NBAS: variants seen among roughly 807,000 people sequenced by gnomAD.
NBAS encodes NBAS subunit of NRZ tethering complex.
In NBAS, 219 loss-of-function variants were observed where a neutral mutation model predicts 302.5. That is an observed-to-expected ratio of 0.72 (90% CI 0.65 to 0.81). NBAS has a LOEUF of 0.81. NBAS is among the 30% of genes least tolerant of loss of function. The probability of loss-of-function intolerance (pLI) is 0.00; values close to 1 mark genes in which losing one functional copy is unlikely to be tolerated. For missense variants in NBAS, 2,932 were observed against 2,841.6 expected (o/e 1.03, Z -0.72); for synonymous variants, 1,118 against 1,021.6 (o/e 1.09, Z -1.80).
At chr2:15,022,032 T>C in the NBAS span, among the ~76,000 whole-genome samples, 1 of 152,082 alleles carries the variant, frequency 6.6e-6, no homozygotes, top group Non-Finnish European at 1.5e-5. Context: ...CGTCACTTGA[T>C]GGAGTGAGAG....
Position 15,463,788 on chromosome 2 carries a change from C to CAAAAAAAAAAAAAAAAAAAA in NBAS, c.2098-1998_2098-1997insTTTTTTTTTTTTTTTTTTTT, listed in dbSNP as rs55808465. On this transcript the variant is annotated intron_variant, in intron 19 of 51. Coordinates refer to ENST00000281513, the MANE Select transcript of NBAS (RefSeq NM_015909.4). ...AATCCTCATTCAAATGAACCAAATG[C>CAAAAAAAAAAAAAAAAAAAA]AAAAAAAAAAAAAAAAAGCACCAGG... 6.5e-5 allele frequency among the ~76,000 whole-genome samples: 6 copies of CAAAAAAAAAAAAAAAAAAAA among 91,638 alleles called. 2 individuals are homozygous for CAAAAAAAAAAAAAAAAAAAA. The highest frequency in any genetic ancestry group is 8.1e-5 in the Non-Finnish European group (4 of 49,610). The allele number at this position is 91,638 out of a possible 152,430, so 60.1% of individuals were successfully genotyped here.
chr2:15,116,427 G>C, the NBAS span, among the ~76,000 whole-genome samples: 1 of 152,110 alleles, frequency 6.6e-6, no homozygotes, highest in Admixed American at 6.5e-5. Flanking sequence ...GAGAGAGAGA[G>C]AGAGAGTAAT....
the NBAS span, among the ~76,000 whole-genome samples, chr2:14,910,670 C>T: frequency 1.1e-3 from 172 of 152,278 alleles, no homozygotes; most frequent in African/African-American, 3.7e-3. Context: ...ACATTTGGAA[C>T]GCATGATTTG....
chr2:15,115,857 A>C, the NBAS span, among the ~76,000 whole-genome samples: 2 of 152,138 alleles, frequency 1.3e-5, no homozygotes, highest in Non-Finnish European at 2.9e-5. Context: ...TCAGCAGATG[A>C]CCTTAACAAT....
chr2:14,984,323 A>C, the NBAS span, among the ~76,000 whole-genome samples: 1 of 152,068 alleles, frequency 6.6e-6, no homozygotes, highest in African/African-American at 2.4e-5. Flanking sequence ...GCAATTCTCT[A>C]TGACTCCCAT....
In NBAS at chr2:15,178,958, A is replaced by G. The variant is rs78090723; in HGVS notation, c.6840+30T>C. 1.2e-5 allele frequency: 20 copies of G among 1,612,138 alleles called. No homozygotes were observed. In the Admixed American group the frequency reaches 3.3e-4, roughly 27 times the overall value. On this transcript the variant is annotated intron_variant, in intron 51 of 51. Coordinates refer to ENST00000281513, the MANE Select transcript of NBAS (RefSeq NM_015909.4). ...TCCTTTGAAACATTAAAAAAAAAAA[A>G]AGAAAGAAAGTAAATTCAACTGGGC...
At chr2:15,431,863 A>G (rs939250335) in intron 21 of NBAS, among the ~76,000 whole-genome samples, 3 of 152,144 alleles carry the variant, frequency 2.0e-5, no homozygotes, top group Non-Finnish European at 4.4e-5. Context: ...ACAAGAATAC[A>G]TGTTACCCTA....
chr2:15,522,754 A>G (rs574685257), intron 9 of NBAS, among the ~76,000 whole-genome samples: 2 of 152,354 alleles, frequency 1.3e-5, no homozygotes, highest in South Asian at 4.1e-4. Context: ...CCAGCCCCCA[A>G]GCAGGCTAAA....
chr2:15,112,244 GAA>G, the NBAS span, among the ~76,000 whole-genome samples: 1 of 149,280 alleles, frequency 6.7e-6, no homozygotes, highest in African/African-American at 2.4e-5. Flanking sequence ...ATAGAACTCA[GAA>G]AAAAGAGACA....
chr2:14,785,221 T>C, the NBAS span, among the ~76,000 whole-genome samples: 1 of 152,204 alleles, frequency 6.6e-6, no homozygotes, highest in Admixed American at 6.5e-5. Flanking sequence ...GATTTTGGGC[T>C]GAGACGATGG....
chr2:15,220,072 G>GC (rs1666871979), intron 47 of NBAS, among the ~76,000 whole-genome samples: 1 of 145,388 alleles, frequency 6.9e-6, no homozygotes, highest in African/African-American at 2.6e-5. Context: ...GGCTGGCCGG[G>GC]CGGGGGGCTG....
At chr2:15,536,681 C>A in intron 7 of NBAS, 130 bp from the exon 8 acceptor site, 1 of 869,348 alleles carries the variant, frequency 1.2e-6, no homozygotes, top group Non-Finnish European at 1.8e-6. Flanking sequence ...CAGAATTGCT[C>A]TGTATACTCA....
the NBAS span, among the ~76,000 whole-genome samples, chr2:14,899,549 T>C: frequency 1.3e-5 from 2 of 152,220 alleles, no homozygotes; most frequent in Admixed American, 1.3e-4. Context: ...CCCATTTAAC[T>C]AGCAACTGTG....
intron 47 of NBAS, among the ~76,000 whole-genome samples, chr2:15,231,894 GCT>G (rs1234438282): frequency 2.6e-5 from 4 of 152,068 alleles, no homozygotes; most frequent in African/African-American, 9.7e-5. Context: ...ATTTGTGGTT[GCT>G]CTTTTTCTTA....
At chr2:15,272,990 T>C (rs975470655) in intron 44 of NBAS, among the ~76,000 whole-genome samples, 6 of 152,232 alleles carry the variant, frequency 3.9e-5, no homozygotes, top group Non-Finnish European at 8.8e-5. Context: ...CCTACTCTTA[T>C]ACTTAATCAT....
intron 32 of NBAS, among the ~76,000 whole-genome samples, chr2:15,363,378 CTTATG>C (rs976079406): frequency 6.6e-5 from 10 of 152,262 alleles, no homozygotes; most frequent in South Asian, 2.1e-4. Flanking sequence ...ATTCCTTTCT[CTTATG>C]TTATCAGATC....
At chr2:14,911,715 G>C in the NBAS span, among the ~76,000 whole-genome samples, 6 of 152,160 alleles carry the variant, frequency 3.9e-5, no homozygotes, top group African/African-American at 1.4e-4. Flanking sequence ...TCCTTCCTTA[G>C]TGTAATGGTT....
rs563295288 is a variant in NBAS, at chr2:15,203,869, T to C, written c.6433-13466A>G. ...GCATGTCTGTGTGTGTGTGTCTGTG[T>C]CTGTGTGTGTGTGTGTGTGCTTGTG... On this transcript the variant is annotated intron_variant, in intron 48 of 51. Transcript: ENST00000281513. 2.7e-3 allele frequency among the ~76,000 whole-genome samples: 341 copies of C among 124,744 alleles called. 2 individuals are homozygous for C. The highest frequency in any genetic ancestry group is 0.011 in the African/African-American group (331 of 29,672). The allele number at this position is 124,744 out of a possible 152,430, so 81.8% of individuals were successfully genotyped here. A position where few individuals can be genotyped will look rare whatever the true frequency, so the allele number is the denominator to read the frequency against.
chr2:15,148,509 G>A, the NBAS span, among the ~76,000 whole-genome samples: 24 of 152,298 alleles, frequency 1.6e-4, no homozygotes, highest in South Asian at 5.0e-3. Context: ...CATTCCACGT[G>A]CAGAGTGGTA....
Sources: allele counts gnomAD v4.1 joint callset (sites outside exome capture counted in the v4.1 genomes callset), GRCh38; gene constraint gnomAD v4.1.1; transcripts MANE v1.5; gene names NCBI Gene and HGNC (gene_info 2026-07-23, HGNC 2026-07-21).